Variants in TENM4 observed in about 807,000 individuals in gnomAD.
The protein encoded by TENM4 is teneurin-4.
TENM4 carries 82 observed loss-of-function variants against 243.3 expected under a neutral mutation model. That is an observed-to-expected ratio of 0.34 (90% CI 0.28 to 0.40). The LOEUF is 0.40. TENM4 is among the 10% of genes least tolerant of loss of function. The pLI is 1.00. For missense variants in TENM4, 3,138 were observed against 3,673.3 expected, an observed-to-expected ratio of 0.85 and a Z score of 3.77; for synonymous variants, 1,412 against 1,456.3, an observed-to-expected ratio of 0.97 and a Z score of 0.69.
chr11:79,018,787 T>G (rs373803061), intron 6 of TENM4, among the ~76,000 whole-genome samples: 101 of 152,356 alleles, frequency 6.6e-4, no homozygotes, highest in African/African-American at 2.1e-3. Context: ...TGTTATTCAC[T>G]GACATTTTTT....
chr11:78,749,328 C>T (rs190820919), intron 19 of TENM4: 1 of 151,280 alleles, frequency 6.6e-6, no homozygotes, highest in East Asian at 1.9e-4. Flanking sequence ...TTCTATCTTC[C>T]ATCAGGTAAT....
At chr11:79,107,386 T>A (rs1861399231) in intron 4 of TENM4, among the ~76,000 whole-genome samples, 1 of 152,054 alleles carries the variant, frequency 6.6e-6, no homozygotes, top group Non-Finnish European at 1.5e-5. Context: ...CCTCCCCAAG[T>A]TTCCAAAATT....
At chr11:79,170,852 C>G (rs1333839498) in intron 3 of TENM4, among the ~76,000 whole-genome samples, 2 of 152,022 alleles carry the variant, frequency 1.3e-5, no homozygotes, top group Admixed American at 6.6e-5. Context: ...CCGGAGAGAC[C>G]TTTTTATGCG....
Position 79,165,716 on chromosome 11 carries a change from G to A in TENM4, c.-162-16910C>T, listed in dbSNP as rs113687875. 2.1e-4 allele frequency among the ~76,000 whole-genome samples: 32 copies of A among 152,228 alleles called. 1 individual carries two copies. The highest frequency in any genetic ancestry group is 6.7e-4 in the African/African-American group (28 of 41,528). On this transcript the variant is annotated intron_variant, in intron 3 of 33. Transcript: ENST00000278550. The stretch of plus-strand genomic sequence containing the variant: ...TCTTGATCATAAAGTCTTTGTCTAA[G>A]CCAGTATCTAGAAGGGTTTTTCCAA...
chr11:79,017,436 AG>A (rs1267578926), intron 6 of TENM4, among the ~76,000 whole-genome samples: 2 of 152,180 alleles, frequency 1.3e-5, no homozygotes, highest in Admixed American at 1.3e-4. Flanking sequence ...AGGGCACAGA[AG>A]ACCTGTTTAG....
intron 14 of TENM4, among the ~76,000 whole-genome samples, chr11:78,807,449 C>T (rs540808727): frequency 1.3e-5 from 2 of 152,292 alleles, no homozygotes; most frequent in South Asian, 4.1e-4. Flanking sequence ...ACAACATTAA[C>T]AGAGACCTCT....
chr11:79,239,446 TA>T (rs573915233), intron 2 of TENM4, among the ~76,000 whole-genome samples: 28 of 152,272 alleles, frequency 1.8e-4, no homozygotes, highest in African/African-American at 6.5e-4. Flanking sequence ...CCTCATTTTA[TA>T]GATGAGATGA....
chr11:78,658,669 C>G lies in TENM4; in HGVS notation c.7699G>C (p.Gly2567Arg), dbSNP rs776748223. 6.2e-6 allele frequency: 10 copies of G among 1,613,924 alleles called. No individual in the cohort carries two copies. In the African/African-American group the frequency reaches 1.2e-4, roughly 19 times the overall value. The change falls in exon 34 of 34, where the codon GGC (glycine) becomes CGC (arginine). Residue 2567 changes from glycine to arginine, a missense_variant. By Grantham distance (125) the Gly-to-Arg change is moderately radical. Transcript: ENST00000278550. Reference protein sequence around the residue: ...KKFASSGSVFGKGVKFALKDG... With the variant: ...KKFASSGSVFRKGVKFALKDG... Reference sequence around the variant, plus strand: ...TTCAAGGCAAACTTGACCCCCTTGCCAAAGACTGAGCCGCTGGATGCAAAC... The same window carrying G: ...TTCAAGGCAAACTTGACCCCCTTGCGAAAGACTGAGCCGCTGGATGCAAAC...
At position 79,115,881 on chromosome 11, in the gene TENM4, G is replaced by A. The variant is rs200043692; in HGVS notation, c.-66+32829C>T. Reference sequence around the variant, plus strand: ...TATGTCCTTCTATGTAATCTCCAAGGTCTGCTCTGACTCGAAGAGTCTAGG... The same window carrying A: ...TATGTCCTTCTATGTAATCTCCAAGATCTGCTCTGACTCGAAGAGTCTAGG... On this transcript the variant is annotated intron_variant, in intron 4 of 33. Transcript: ENST00000278550. Among the ~76,000 whole-genome samples, 3 of 152,300 alleles carry A rather than the reference G, an allele frequency of 2.0e-5. No homozygotes were observed. The East Asian group carries it at 5.8e-4, about 29-fold the overall frequency.
chr11:78,860,289 G>C (rs903146469), intron 10 of TENM4, among the ~76,000 whole-genome samples: 1 of 152,186 alleles, frequency 6.6e-6, no homozygotes, highest in East Asian at 1.9e-4. Context: ...ATTAGGCTTT[G>C]AATGGATAGA....
At chr11:79,069,609 G>A in intron 5 of TENM4, 113 bp downstream of exon 5, 1 of 1,361,572 alleles carries the variant, frequency 7.3e-7, no homozygotes, top group South Asian at 1.5e-5. Context: ...CACCCCAACT[G>A]GTGTTCCAGC....
At chr11:79,021,405 G>A (rs1212974031) in intron 6 of TENM4, among the ~76,000 whole-genome samples, 1 of 152,208 alleles carries the variant, frequency 6.6e-6, no homozygotes, top group Non-Finnish European at 1.5e-5. Context: ...GCATCTGAGA[G>A]TAAACTACTT....
chr11:79,425,885 T>C (rs1231256650), intron 1 of TENM4, among the ~76,000 whole-genome samples: 1 of 152,120 alleles, frequency 6.6e-6, no homozygotes, highest in Non-Finnish European at 1.5e-5. Flanking sequence ...ATAACAACCA[T>C]AAGAGTGAAC....
At chr11:78,977,632 T>C (rs1857691697) in intron 6 of TENM4, among the ~76,000 whole-genome samples, 1 of 152,144 alleles carries the variant, frequency 6.6e-6, no homozygotes, top group African/African-American at 2.4e-5. Flanking sequence ...ATTAGAGAAA[T>C]GCAAATCAAA....
Position 78,738,436 on chromosome 11 carries a change from T to C in TENM4, c.2876+15A>G, listed in dbSNP as rs76879346. The C allele has an allele frequency of 6.5e-4, 1,051 of 1,611,898 alleles. 10 individuals are homozygous for C. The African/African-American group carries it at 0.012, about 19-fold the overall frequency. ...CGGGACCTTCACTGTTTCTGGCTCA[T>C]AGAAGGTCTCCTACCTGCCATCTTG... On this transcript the variant is annotated intron_variant, in intron 20 of 33. Transcript: ENST00000278550.
intron 3 of TENM4, among the ~76,000 whole-genome samples, chr11:79,185,335 C>G (rs1007241153): frequency 1.3e-5 from 2 of 151,974 alleles, no homozygotes; most frequent in African/African-American, 4.8e-5. Flanking sequence ...ACAACAAAAA[C>G]CCCCAAAACA....
intron 3 of TENM4, among the ~76,000 whole-genome samples, chr11:79,183,693 A>T (rs899959337): frequency 9.9e-5 from 15 of 152,170 alleles, no homozygotes; most frequent in Non-Finnish European, 1.6e-4. Context: ...TTTGCTGTGA[A>T]CCTAAGACTT....
At chr11:78,845,197 C>A (rs1269783546) in intron 12 of TENM4, among the ~76,000 whole-genome samples, 1 of 152,154 alleles carries the variant, frequency 6.6e-6, no homozygotes, top group Non-Finnish European at 1.5e-5. Context: ...TCTTTGAGGG[C>A]AAAGCTTCTG....
intron 6 of TENM4, among the ~76,000 whole-genome samples, chr11:79,055,251 A>G (rs7929604): frequency 0.61 from 92,704 of 151,580 alleles, 33,033 homozygotes; most frequent in Non-Finnish European, 0.81. Context: ...TTACTAATTT[A>G]TTTATTTTGA....
Sources: allele counts gnomAD v4.1 joint callset (sites outside exome capture counted in the v4.1 genomes callset), GRCh38; gene constraint gnomAD v4.1.1; transcripts MANE v1.5; gene names NCBI Gene and HGNC (gene_info 2026-07-23, HGNC 2026-07-21).